Variants in NLGN1 observed in about 807,000 individuals in gnomAD.
The protein encoded by NLGN1 is neuroligin 1.
A neutral mutation model predicts 65.5 loss-of-function variants in NLGN1; 12 were observed. The ratio of observed to expected loss-of-function variants is 0.18; its 90% confidence interval spans 0.12 to 0.30. The LOEUF is 0.30. Ranked by LOEUF, NLGN1 falls within the 10% of genes least tolerant of loss-of-function variation. NLGN1 has a pLI of 1.00. For missense variants in NLGN1, 750 were observed against 1,007.1 expected, an observed-to-expected ratio of 0.74 and a Z score of 3.46; for synonymous variants, 350 against 359.5, an observed-to-expected ratio of 0.97 and a Z score of 0.30.
chr3:173,698,910 A>G (rs1766662989), intron 3 of NLGN1, among the ~76,000 whole-genome samples: 1 of 152,062 alleles, frequency 6.6e-6, no homozygotes, highest in Non-Finnish European at 1.5e-5. Flanking sequence ...AGGCTGGAGT[A>G]CAATGGCGTG....
chr3:173,884,162 A>G (rs955075281), intron 4 of NLGN1, among the ~76,000 whole-genome samples: 3 of 151,798 alleles, frequency 2.0e-5, no homozygotes, highest in African/African-American at 7.3e-5. Context: ...ACTAACTTAC[A>G]TTGTCTTTGA....
At chr3:173,717,147 G>T (rs949432976) in intron 3 of NLGN1, among the ~76,000 whole-genome samples, 6 of 152,154 alleles carry the variant, frequency 3.9e-5, no homozygotes, top group Non-Finnish European at 8.8e-5. Context: ...AGCCAATTTG[G>T]TATGGTGATG....
intron 4 of NLGN1, among the ~76,000 whole-genome samples, chr3:173,918,197 C>T (rs1306591414): frequency 6.6e-6 from 1 of 151,962 alleles, no homozygotes; most frequent in Non-Finnish European, 1.5e-5. Context: ...GTTCTTTAAA[C>T]GTATTTATGT....
At chr3:174,102,355 T>C (rs1374297873) in intron 4 of NLGN1, among the ~76,000 whole-genome samples, 1 of 152,202 alleles carries the variant, frequency 6.6e-6, no homozygotes, top group East Asian at 1.9e-4. Flanking sequence ...AGATCTTTTT[T>C]CTAAAATTAG....
chr3:174,053,393 C>G (rs187861111), intron 4 of NLGN1, among the ~76,000 whole-genome samples: 1 of 152,082 alleles, frequency 6.6e-6, no homozygotes, highest in Non-Finnish European at 1.5e-5. Flanking sequence ...GTCTTGTAAA[C>G]ACAATTTTAT....
At chr3:174,276,016 A>C (rs1247829103) in intron 5 of NLGN1, among the ~76,000 whole-genome samples, 1 of 151,930 alleles carries the variant, frequency 6.6e-6, no homozygotes. Flanking sequence ...TGAGTACAGA[A>C]TGGATTGTTG....
intron 2 of NLGN1, among the ~76,000 whole-genome samples, chr3:173,559,148 C>T (rs1742221834): frequency 6.6e-6 from 1 of 152,140 alleles, no homozygotes; most frequent in African/African-American, 2.4e-5. Context: ...GGATTCATTT[C>T]TAGTAAAGCC....
intron 3 of NLGN1, among the ~76,000 whole-genome samples, chr3:173,689,629 G>T: frequency 6.6e-6 from 1 of 152,116 alleles, no homozygotes; most frequent in East Asian, 1.9e-4. Context: ...GGCCTGGTTT[G>T]CAAGGCTCCC....
chr3:174,025,463 A>G (rs1227417971), intron 4 of NLGN1, among the ~76,000 whole-genome samples: 2 of 152,204 alleles, frequency 1.3e-5, no homozygotes, highest in Non-Finnish European at 2.9e-5. Flanking sequence ...TAGATTTGAT[A>G]AAGGAAATAT....
chr3:173,520,973 A>G (rs1734664018), intron 2 of NLGN1, among the ~76,000 whole-genome samples: 1 of 152,192 alleles, frequency 6.6e-6, no homozygotes, highest in African/African-American at 2.4e-5. Flanking sequence ...TAGCAGGCAT[A>G]ATAAGGCTGG....
At chr3:173,857,793 T>C (rs939480753) in intron 4 of NLGN1, among the ~76,000 whole-genome samples, 7 of 132,762 alleles carry the variant, frequency 5.3e-5, no homozygotes, top group Admixed American at 2.3e-4. Context: ...GAACAATTAC[T>C]AAAAATTGCT....
intron 3 of NLGN1, among the ~76,000 whole-genome samples, chr3:173,746,692 G>T (rs2150131353): frequency 6.6e-6 from 1 of 152,084 alleles, no homozygotes; most frequent in Non-Finnish European, 1.5e-5. Context: ...GTAATTATTT[G>T]TTCAAGATCT....
chr3:174,160,422 A>T lies in NLGN1; in HGVS notation c.647-114893A>T, dbSNP rs1369704510. ...AATGAATAACTTAAACTTTTTTTTC[A>T]TTATTACAAATATTTGGCATTCTCT... On this transcript the variant is annotated intron_variant, in intron 4 of 6. Coordinates refer to ENST00000457714, the Ensembl canonical transcript of NLGN1. Among the ~76,000 whole-genome samples, 3 of 151,602 alleles carry T rather than the reference A, an allele frequency of 2.0e-5. No homozygotes were observed. The Admixed American group carries it at 2.0e-4, about 10-fold the overall frequency.
rs1001291687 is a variant in NLGN1 at position 173,668,529 on chromosome 3, C to G, written c.493+63438C>G. On this transcript the variant is annotated intron_variant, in intron 3 of 6. Coordinates refer to ENST00000457714, the Ensembl canonical transcript of NLGN1. The stretch of plus-strand genomic sequence containing the variant: ...TGTGTATGTCTTTGAGGAAGACAAC[C>G]CTGTGTGAAAGGCTTGGCCATTCTT... 3.9e-5 allele frequency among the ~76,000 whole-genome samples: 6 copies of G among 152,100 alleles called. No homozygotes were observed. The South Asian group carries it at 1.2e-3, about 32-fold the overall frequency.
At chr3:174,085,787 T>A (rs1031272367) in intron 4 of NLGN1, among the ~76,000 whole-genome samples, 5 of 152,166 alleles carry the variant, frequency 3.3e-5, no homozygotes, top group Admixed American at 3.3e-4. Context: ...GCAAAAAGAT[T>A]TAAAAATACA....
chr3:173,591,976 T>G (rs1007237315), intron 2 of NLGN1, among the ~76,000 whole-genome samples: 13 of 152,138 alleles, frequency 8.5e-5, no homozygotes, highest in Non-Finnish European at 1.8e-4. Flanking sequence ...AGCTCTTGAG[T>G]GATTATTCAT....
At chr3:174,176,174 T>TA (rs1187320162) in intron 4 of NLGN1, among the ~76,000 whole-genome samples, 3 of 151,902 alleles carry the variant, frequency 2.0e-5, no homozygotes, top group Non-Finnish European at 4.4e-5. Flanking sequence ...TTGGACCCTA[T>TA]AATTATATGT....
At chr3:173,486,073 C>G (rs1176855184) in intron 2 of NLGN1, among the ~76,000 whole-genome samples, 3 of 152,008 alleles carry the variant, frequency 2.0e-5, no homozygotes, top group Non-Finnish European at 2.9e-5. Context: ...GAGATGGAGT[C>G]TCACTCTGCT....
At chr3:173,737,252 A>T (rs1773919315) in intron 3 of NLGN1, among the ~76,000 whole-genome samples, 1 of 151,404 alleles carries the variant, frequency 6.6e-6, no homozygotes, top group Admixed American at 6.6e-5. Flanking sequence ...AAAAAGTTTT[A>T]TTGAGATTTA....
Sources: gnomAD v4.1 joint callset for allele counts (sites outside exome capture counted in the v4.1 genomes callset) on GRCh38, gnomAD v4.1.1 for gene constraint, MANE v1.5 for transcripts, NCBI Gene and HGNC (gene_info 2026-07-23, HGNC 2026-07-21) for gene names.